CADM2: variants seen among roughly 807,000 people sequenced by gnomAD.
CADM2 encodes cell adhesion molecule 2, also known as immunoglobulin superfamily member 4D.
CADM2 carries 12 observed loss-of-function variants against 49.8 expected under a neutral mutation model. That is an observed-to-expected ratio of 0.24 (90% CI 0.15 to 0.39). The LOEUF is 0.39. Ranked by LOEUF, CADM2 falls within the 10% of genes least tolerant of loss-of-function variation. The pLI is 1.00. For synonymous variants in CADM2, 214 were observed against 175.4 expected, an observed-to-expected ratio of 1.22 and a Z score of -1.74; for missense variants, 378 against 492.3, an observed-to-expected ratio of 0.77 and a Z score of 2.20.
At chr3:86,054,287 C>T (rs1228485365) in intron 8 of CADM2, among the ~76,000 whole-genome samples, 1 of 152,030 alleles carries the variant, frequency 6.6e-6, no homozygotes, top group African/African-American at 2.4e-5. Context: ...AACTCATAAA[C>T]ATAGTTAATA....
intron 1 of CADM2, among the ~76,000 whole-genome samples, chr3:85,563,710 C>T (rs1028723545): frequency 6.6e-6 from 1 of 152,100 alleles, no homozygotes; most frequent in Non-Finnish European, 1.5e-5. Flanking sequence ...CAGCAATTTG[C>T]GAAAATGTTA....
At chr3:85,005,409 A>G (rs2033670691) in intron 1 of CADM2, among the ~76,000 whole-genome samples, 1 of 152,180 alleles carries the variant, frequency 6.6e-6, no homozygotes, top group Non-Finnish European at 1.5e-5. Flanking sequence ...CAGCTTCACT[A>G]CATTCAGTGG....
At chr3:85,340,925 C>A (rs1484089457) in intron 1 of CADM2, among the ~76,000 whole-genome samples, 1 of 151,624 alleles carries the variant, frequency 6.6e-6, no homozygotes, top group South Asian at 2.1e-4. Context: ...TTCAAACACT[C>A]CCTCTATCCA....
chr3:85,985,678 A>T (rs1013483137), intron 8 of CADM2, among the ~76,000 whole-genome samples: 4 of 152,014 alleles, frequency 2.6e-5, no homozygotes, highest in African/African-American at 9.7e-5. Flanking sequence ...GAATTTAGGG[A>T]TCTGTTTGTA....
chr3:85,012,837 T>C (rs1315531242), intron 1 of CADM2, among the ~76,000 whole-genome samples: 1 of 151,722 alleles, frequency 6.6e-6, no homozygotes. Context: ...TTTTGATTGA[T>C]GGAGCCAATT....
chr3:85,951,744 G>A lies in CADM2; in HGVS notation c.792-9725G>A, dbSNP rs898804002. ...CTCTTCATGTGCACACTTGCATGAT[G>A]ACTTCAAGGACAGTATTTAGTAAAA... On this transcript the variant is annotated intron_variant, in intron 7 of 9. Transcript: ENST00000383699. Among the ~76,000 whole-genome samples, 3 of 150,976 alleles carry A rather than the reference G, an allele frequency of 2.0e-5. No individual in the cohort carries two copies. In the Admixed American group the frequency reaches 2.0e-4, roughly 10 times the overall value.
intron 1 of CADM2, among the ~76,000 whole-genome samples, chr3:85,402,206 C>A (rs958018464): frequency 4.0e-5 from 6 of 151,600 alleles, no homozygotes; most frequent in Non-Finnish European, 8.8e-5. Context: ...AACAGAAAAG[C>A]AAAAGAGAAA....
chr3:85,768,467 AAAT>A lies in CADM2; in HGVS notation c.89-33574_89-33572del, dbSNP rs1380078789. Among the ~76,000 whole-genome samples, 35 of 92,006 alleles carry A rather than the reference AAAT, an allele frequency of 3.8e-4. No homozygotes were observed. In the Middle Eastern group the frequency reaches 0.017, roughly 44 times the overall value. 60.4% of individuals were successfully genotyped at this position (92,006 alleles called of 152,430 possible). On this transcript the variant is annotated intron_variant, in intron 2 of 9. Transcript: ENST00000383699. Reference sequence around the variant, plus strand: ...TCTCAAAATAAATAAATAAATAAATAAATAATAAATAAATAAATAAATTTAAAA... The same window carrying A: ...TCTCAAAATAAATAAATAAATAAATAAATAAATAAATAAATAAATTTAAAA...
intron 1 of CADM2, among the ~76,000 whole-genome samples, chr3:85,266,320 A>G (rs1332993815): frequency 2.0e-5 from 3 of 151,922 alleles, no homozygotes; most frequent in Non-Finnish European, 4.4e-5. Context: ...CAAATGTGAT[A>G]TAAGGGAGAG....
intron 8 of CADM2, among the ~76,000 whole-genome samples, chr3:85,965,643 C>T (rs557945706): frequency 6.6e-6 from 1 of 151,534 alleles, no homozygotes; most frequent in East Asian, 2.0e-4. Context: ...ACACATTGAC[C>T]ATGTACAAAG....
At chr3:85,823,119 T>A (rs188912006) in intron 3 of CADM2, among the ~76,000 whole-genome samples, 14 of 152,248 alleles carry the variant, frequency 9.2e-5, no homozygotes, top group Admixed American at 2.6e-4. Context: ...TAAATAAAAG[T>A]TTTTTGTTGT....
chr3:85,923,404 A>C (rs1030793852), intron 6 of CADM2, among the ~76,000 whole-genome samples: 2 of 152,044 alleles, frequency 1.3e-5, no homozygotes, highest in African/African-American at 4.8e-5. Context: ...AAGAGGCTTG[A>C]GCTTCACTGT....
chr3:85,172,871 A>G (rs949075275), intron 1 of CADM2, among the ~76,000 whole-genome samples: 3 of 147,090 alleles, frequency 2.0e-5, no homozygotes, highest in African/African-American at 7.4e-5. Flanking sequence ...TGATAATGTT[A>G]TATATTATGT....
At chr3:85,541,775 T>A (rs796448943) in intron 1 of CADM2, among the ~76,000 whole-genome samples, 3,513 of 88,194 alleles carry the variant, frequency 0.04, 269 homozygotes, top group African/African-American at 0.081. Flanking sequence ...ATTTTATATT[T>A]TATATATATA....
At chr3:85,781,829 A>G (rs1457561098) in intron 2 of CADM2, among the ~76,000 whole-genome samples, 1 of 152,226 alleles carries the variant, frequency 6.6e-6, no homozygotes, top group East Asian at 1.9e-4. Flanking sequence ...CCTTGAAGAA[A>G]TTTAAAATTA....
chr3:85,269,538 C>CG (rs1553702638), intron 1 of CADM2, among the ~76,000 whole-genome samples: 1 of 151,340 alleles, frequency 6.6e-6, no homozygotes, highest in Non-Finnish European at 1.5e-5. Context: ...CTCACAAACT[C>CG]TAAGTTCCTT....
chr3:85,518,179 T>C (rs2060948700), intron 1 of CADM2, among the ~76,000 whole-genome samples: 1 of 152,050 alleles, frequency 6.6e-6, no homozygotes, highest in Non-Finnish European at 1.5e-5. Context: ...TTAGTAGAGA[T>C]GGGTTTTCGC....
intron 1 of CADM2, among the ~76,000 whole-genome samples, chr3:85,234,618 C>A (rs2107820899): frequency 6.6e-6 from 1 of 152,256 alleles, no homozygotes; most frequent in East Asian, 1.9e-4. Flanking sequence ...CAAATCTTCT[C>A]CATATGTTGT....
intron 5 of CADM2, among the ~76,000 whole-genome samples, chr3:85,906,419 T>C: frequency 6.6e-6 from 1 of 152,080 alleles, no homozygotes; most frequent in East Asian, 1.9e-4. Context: ...TTAATAATCT[T>C]CCATAAACAT....
Sources: allele counts gnomAD v4.1 joint callset (sites outside exome capture counted in the v4.1 genomes callset), GRCh38; gene constraint gnomAD v4.1.1; transcripts MANE v1.5; gene names NCBI Gene and HGNC (gene_info 2026-07-23, HGNC 2026-07-21).